Variants in LRRK1 observed in about 807,000 individuals in gnomAD.
The protein encoded by LRRK1 is leucine rich repeat kinase 1.
Under a neutral mutation model 209.1 loss-of-function variants are expected in LRRK1, and 113 were observed. That is an observed-to-expected ratio of 0.54 (90% CI 0.46 to 0.63). The LOEUF is 0.63. LRRK1 is among the 30% of genes least tolerant of loss of function. The pLI, the probability that LRRK1 is intolerant of heterozygous loss-of-function variation, is 0.00. For synonymous variants in LRRK1, 1,144 were observed against 1,099.7 expected, an observed-to-expected ratio of 1.04 and a Z score of -0.80; for missense variants, 2,284 against 2,632.2, an observed-to-expected ratio of 0.87 and a Z score of 2.89.
At chr15:100,961,942 C>T (rs1265580289) in intron 2 of LRRK1, among the ~76,000 whole-genome samples, 1 of 152,152 alleles carries the variant, frequency 6.6e-6, no homozygotes, top group Non-Finnish European at 1.5e-5. Flanking sequence ...TATTATAAAC[C>T]ATTTTATTTT....
chr15:101,002,416 C>T (rs1199787979), intron 6 of LRRK1, among the ~76,000 whole-genome samples: 1 of 152,250 alleles, frequency 6.6e-6, no homozygotes, highest in East Asian at 1.9e-4. Flanking sequence ...GAAAGTGGTA[C>T]TTCCTTTTAC....
At chr15:100,990,477 G>C (rs2032105163) in intron 6 of LRRK1, among the ~76,000 whole-genome samples, 1 of 152,040 alleles carries the variant, frequency 6.6e-6, no homozygotes, top group Admixed American at 6.6e-5. Flanking sequence ...AGCAATAGGT[G>C]GGATTCTCTG....
chr15:101,069,028 GGTTCTCTGGAGCAGA>G lies in LRRK1; in HGVS notation c.*189_*203del. ...CCTGGCGGTGGCTCCAGGGTTCTCT[GGTTCTCTGGAGCAGA>G]GTTCTCTGAATACCCCATCCCCCAA... On this transcript the variant is annotated 3_prime_UTR_variant, in exon 34 of 34. Transcript: ENST00000388948. 4 of 550,284 alleles carry G rather than the reference GGTTCTCTGGAGCAGA, an allele frequency of 7.3e-6. No individual in the cohort carries two copies. The highest frequency in any genetic ancestry group is 1.2e-5 in the Non-Finnish European group (4 of 328,406). 34.1% of individuals were successfully genotyped at this position (550,284 alleles called of 1,614,324 possible).
At chr15:101,068,175 T>A (rs2036638880) in intron 33 of LRRK1, among the ~76,000 whole-genome samples, 1 of 152,208 alleles carries the variant, frequency 6.6e-6, no homozygotes, top group Non-Finnish European at 1.5e-5. Context: ...TTTCAAAAAA[T>A]GTATATAGTG....
At chr15:101,067,253 T>C in intron 33 of LRRK1, 1 of 456,190 alleles carries the variant, frequency 2.2e-6, no homozygotes, top group South Asian at 1.5e-5. Flanking sequence ...TATGCCAGTC[T>C]CCTCTGTGAA....
chr15:100,985,190 G>C (rs2031804657), intron 4 of LRRK1, among the ~76,000 whole-genome samples: 1 of 152,068 alleles, frequency 6.6e-6, no homozygotes, highest in Admixed American at 6.5e-5. Context: ...CAATTTTAGG[G>C]CCCATGAGAA....
Position 101,057,201 on chromosome 15 carries a change from A to G in LRRK1, c.4527+151A>G, listed in dbSNP as rs10468171. On this transcript the variant is annotated intron_variant, in intron 28 of 33. Transcript: ENST00000388948. Reference sequence around the variant, plus strand: ...CTAGAGGGTGATGTTTGCTGCTCCTAACATACCTACTTTCATTGTCTTTGT... The same window carrying G: ...CTAGAGGGTGATGTTTGCTGCTCCTGACATACCTACTTTCATTGTCTTTGT... The G allele has an allele frequency of 0.018, 11,673 of 635,460 alleles. 1,030 individuals are homozygous for G. The African/African-American group carries it at 0.2, about 11-fold the overall frequency. The allele number at this position is 635,460 out of a possible 1,614,324, so 39.4% of individuals were successfully genotyped here. A position where few individuals can be genotyped will look rare whatever the true frequency, so the allele number is the denominator to read the frequency against.
intron 7 of LRRK1, 80 bp from the exon 8 acceptor site, chr15:101,010,370 T>C (rs572889744): frequency 6.6e-7 from 1 of 1,508,662 alleles, no homozygotes; most frequent in East Asian, 2.3e-5. Flanking sequence ...AAAATACACC[T>C]CTTGGTTTAT....
chr15:101,036,162 T>C (rs1475981212), intron 20 of LRRK1, among the ~76,000 whole-genome samples: 3 of 152,218 alleles, frequency 2.0e-5, no homozygotes, highest in African/African-American at 7.2e-5. Flanking sequence ...TCATCTCTTA[T>C]TTTGTTAAAT....
rs2036155502 is a variant in LRRK1, at chr15:101,061,193, G to A, written c.4702G>A (p.Glu1568Lys). Residue 1568 changes from glutamate to lysine, a missense_variant, in exon 30 of 34, where the codon GAG (glutamate) becomes AAG (lysine). Glu to Lys is a moderately conservative substitution (Grantham distance 56). This residue lies in a region of LRRK1 where 643 missense variants were observed against 695.9 expected (regional missense o/e 0.92). Coordinates refer to ENST00000388948, the MANE Select transcript of LRRK1 (RefSeq NM_024652.6). ...ESRNYTVVNT[E>K]KGLMEVQRMC... ...CAGGAACTACACGGTGGTGAACACAGAGAAGGGCCTCATGGAGGTGCAGAG... is the reference window on the plus strand; with the variant it reads ...CAGGAACTACACGGTGGTGAACACAAAGAAGGGCCTCATGGAGGTGCAGAG... 1 of 1,613,964 alleles carries A rather than the reference G, an allele frequency of 6.2e-7. No homozygotes were observed. Among genetic ancestry groups the A allele is most frequent in the Admixed American group, 1.7e-5 (1 of 60,008 alleles).
Position 101,005,976 on chromosome 15 carries a change from G to A in LRRK1, c.763-2861G>A, listed in dbSNP as rs549939397. ...ATTGATTCAGGCCAGGATCAGCAACGGAGGCTAAACCCATGGGGCAAAAGG... is the reference window on the plus strand; with the variant it reads ...ATTGATTCAGGCCAGGATCAGCAACAGAGGCTAAACCCATGGGGCAAAAGG... On this transcript the variant is annotated intron_variant, in intron 6 of 33. Transcript: ENST00000388948. Among the ~76,000 whole-genome samples the A allele has an allele frequency of 3.9e-5, 6 of 152,332 alleles. No individual in the cohort carries two copies. In the South Asian group the frequency reaches 6.2e-4, roughly 16 times the overall value.
chr15:101,048,329 A>AT (rs1355292310), intron 21 of LRRK1, among the ~76,000 whole-genome samples, 165 bp from the exon 22 acceptor site: 1 of 152,186 alleles, frequency 6.6e-6, no homozygotes, highest in Admixed American at 6.5e-5. Context: ...CCGTCAGCTA[A>AT]TGTAACGTTC....
At chr15:100,984,043 G>A (rs528056410) in intron 4 of LRRK1, among the ~76,000 whole-genome samples, 2 of 152,308 alleles carry the variant, frequency 1.3e-5, no homozygotes, top group Admixed American at 6.5e-5. Flanking sequence ...TGATTTGGAG[G>A]TATGTTAACA....
intron 6 of LRRK1, among the ~76,000 whole-genome samples, chr15:101,007,396 G>C (rs2033011503): frequency 6.6e-6 from 1 of 152,192 alleles, no homozygotes. Context: ...TAATCAGGAA[G>C]AAAGAGCAAA....
chr15:100,990,058 G>T (rs570814607), intron 6 of LRRK1, among the ~76,000 whole-genome samples: 2 of 152,132 alleles, frequency 1.3e-5, no homozygotes, highest in African/African-American at 4.8e-5. Context: ...TAACAACCTG[G>T]TAGGGATCTT....
At chr15:101,012,895 G>GC (rs1196763840) in intron 10 of LRRK1, among the ~76,000 whole-genome samples, 1 of 150,232 alleles carries the variant, frequency 6.7e-6, no homozygotes, top group Non-Finnish European at 1.5e-5. Flanking sequence ...CACGCGGGGT[G>GC]CCCCCGGGGG....
chr15:101,049,398 A>G, intron 22 of LRRK1: 1 of 432,130 alleles, frequency 2.3e-6, no homozygotes, highest in South Asian at 4.0e-5. Flanking sequence ...CCTGAGGGTC[A>G]GCTCCCAGGC....
Position 101,065,448 on chromosome 15 carries a change from T to C in LRRK1, c.5011T>C (p.Ser1671Pro). 1.9e-6 allele frequency: 3 copies of C among 1,614,180 alleles called. No individual in the cohort carries two copies. The highest frequency in any genetic ancestry group is 2.5e-6 in the Non-Finnish European group (3 of 1,180,018). The change falls in exon 32 of 34, where the codon TCA becomes CCA. Residue 1671 changes from serine to proline, a missense_variant. Transcript: ENST00000388948. Reference protein sequence around the residue: ...TPKDSCSYLCSHTANRSKFSI... With the variant: ...TPKDSCSYLCPHTANRSKFSI... ...AAAGGACAGCTGCTCCTACCTGTGCTCACACACAGCCAACAGGTCCAAGTT... is the reference window on the plus strand; with the variant it reads ...AAAGGACAGCTGCTCCTACCTGTGCCCACACACAGCCAACAGGTCCAAGTT...
intron 2 of LRRK1, among the ~76,000 whole-genome samples, chr15:100,934,822 A>G (rs1250635623): frequency 6.7e-6 from 1 of 149,494 alleles, no homozygotes; most frequent in Non-Finnish European, 1.5e-5. Context: ...AAAAAAAAAA[A>G]GGAAGGAAGA....
Sources: gnomAD v4.1 joint callset for allele counts (sites outside exome capture counted in the v4.1 genomes callset) on GRCh38, gnomAD v4.1.1 for gene constraint, gnomAD v4.1.1 regional missense constraint, MANE v1.5 for transcripts, NCBI Gene and HGNC (gene_info 2026-07-23, HGNC 2026-07-21) for gene names.